Variants in RAPGEF5 observed in about 807,000 individuals in gnomAD.
RAPGEF5 encodes M-Ras-regulated GEF.
Under a neutral mutation model 125.2 loss-of-function variants are expected in RAPGEF5, and 65 were observed. The ratio of observed to expected loss-of-function variants is 0.52; its 90% CI spans 0.43 to 0.64. The LOEUF (loss-of-function observed/expected upper bound fraction) is 0.64. Ranked by LOEUF, RAPGEF5 falls within the 30% of genes least tolerant of loss-of-function variation. The pLI is 0.00. For missense variants in RAPGEF5, 958 were observed against 1,048.1 expected (o/e 0.91, Z 1.19); for synonymous variants, 391 against 385.9 (o/e 1.01, Z -0.16).
At chr7:22,175,504 G>A (rs1784475500) in intron 11 of RAPGEF5, among the ~76,000 whole-genome samples, 2 of 152,094 alleles carry the variant, frequency 1.3e-5, no homozygotes, top group African/African-American at 4.8e-5. Context: ...TTATTTAACT[G>A]TACAGATTAG....
At chr7:22,329,943 A>T (rs1783882819) in intron 1 of RAPGEF5, among the ~76,000 whole-genome samples, 1 of 152,204 alleles carries the variant, frequency 6.6e-6, no homozygotes, top group South Asian at 2.1e-4. Context: ...AGGGTCAGCA[A>T]CTTAACTCCT....
chr7:22,245,381 A>G (rs138181377), intron 7 of RAPGEF5, among the ~76,000 whole-genome samples: 2 of 152,216 alleles, frequency 1.3e-5, no homozygotes, highest in African/African-American at 4.8e-5. Flanking sequence ...CACAAAAATC[A>G]TTGTCTAGAC....
At chr7:22,326,140 A>G (rs766747283) in intron 1 of RAPGEF5, among the ~76,000 whole-genome samples, 1 of 152,234 alleles carries the variant, frequency 6.6e-6, no homozygotes, top group Non-Finnish European at 1.5e-5. Flanking sequence ...GCTGCAGAAC[A>G]ATAAAGGTGT....
At chr7:22,248,429 G>A (rs913267924) in intron 7 of RAPGEF5, among the ~76,000 whole-genome samples, 10 of 152,244 alleles carry the variant, frequency 6.6e-5, no homozygotes, top group Admixed American at 5.2e-4. Context: ...TGAGGTGCCC[G>A]ATGTCCAAAC....
At chr7:22,193,502 G>T in intron 10 of RAPGEF5, 47 bp from the exon 11 acceptor site, 2 of 1,557,146 alleles carry the variant, frequency 1.3e-6, no homozygotes, top group Non-Finnish European at 1.7e-6. Flanking sequence ...GTGGAAGACT[G>T]CGAGCGGCTG....
intron 1 of RAPGEF5, among the ~76,000 whole-genome samples, chr7:22,352,841 A>G (rs1002083653): frequency 6.6e-6 from 1 of 151,280 alleles, no homozygotes; most frequent in African/African-American, 2.4e-5. Flanking sequence ...AATAAATGCA[A>G]GAAGAATGAT....
chr7:22,158,782 C>T (rs1783893800), intron 14 of RAPGEF5, among the ~76,000 whole-genome samples: 2 of 151,998 alleles, frequency 1.3e-5, no homozygotes, highest in Admixed American at 6.6e-5. Context: ...TGTGACACCA[C>T]GCCCAGCTAA....
At chr7:22,165,879 G>A (rs750666844) in intron 12 of RAPGEF5, among the ~76,000 whole-genome samples, 7 of 151,674 alleles carry the variant, frequency 4.6e-5, no homozygotes, top group South Asian at 4.2e-4. Flanking sequence ...GCAGTAGCAC[G>A]GTCTCGGCTC....
At chr7:22,138,029 ACACACG>A (rs935423067) in intron 21 of RAPGEF5, among the ~76,000 whole-genome samples, 14 of 151,148 alleles carry the variant, frequency 9.3e-5, no homozygotes, top group African/African-American at 3.4e-4. Flanking sequence ...ACACACACAC[ACACACG>A]CACGCACGCA....
At chr7:22,259,383 A>G (rs1466826924) in intron 7 of RAPGEF5, among the ~76,000 whole-genome samples, 8 of 152,234 alleles carry the variant, frequency 5.3e-5, no homozygotes, top group Admixed American at 5.2e-4. Flanking sequence ...GTGGAGCAAG[A>G]GGACCTCTCA....
intron 7 of RAPGEF5, among the ~76,000 whole-genome samples, chr7:22,255,504 G>A (rs1201675673): frequency 6.6e-6 from 1 of 151,946 alleles, no homozygotes; most frequent in Non-Finnish European, 1.5e-5. Flanking sequence ...GAGGTGGGAG[G>A]ATCACCTGAC....
chr7:22,171,924 T>C (rs554486952), intron 11 of RAPGEF5, among the ~76,000 whole-genome samples: 2 of 152,364 alleles, frequency 1.3e-5, no homozygotes, highest in South Asian at 4.1e-4. Context: ...TAGTGGCTTT[T>C]TGAATACAAG....
At chr7:22,163,506 C>A (rs1448523631) in intron 12 of RAPGEF5, among the ~76,000 whole-genome samples, 1 of 152,156 alleles carries the variant, frequency 6.6e-6, no homozygotes, top group African/African-American at 2.4e-5. Context: ...GGGATATATA[C>A]TGAATAGTTA....
intron 6 of RAPGEF5, among the ~76,000 whole-genome samples, chr7:22,283,588 T>C (rs1001779173): frequency 6.6e-6 from 1 of 152,190 alleles, no homozygotes; most frequent in Non-Finnish European, 1.5e-5. Flanking sequence ...ATCATCCTTT[T>C]AAAGCTCCGT....
intron 11 of RAPGEF5, among the ~76,000 whole-genome samples, chr7:22,168,677 G>C (rs1784249525): frequency 6.6e-6 from 1 of 152,168 alleles, no homozygotes; most frequent in Non-Finnish European, 1.5e-5. Context: ...TAATATTTAT[G>C]AACACAAAAC....
intron 11 of RAPGEF5, among the ~76,000 whole-genome samples, chr7:22,190,824 G>A (rs983966917): frequency 6.6e-6 from 1 of 152,076 alleles, no homozygotes. Flanking sequence ...TCCAGAACAG[G>A]CTCATCCCAG....
intron 11 of RAPGEF5, among the ~76,000 whole-genome samples, chr7:22,172,127 T>G (rs542887113): frequency 5.9e-4 from 90 of 152,192 alleles, no homozygotes; most frequent in African/African-American, 1.7e-3. Flanking sequence ...TTTTAATTTT[T>G]GGGGGTTTTT....
chr7:22,172,497 A>G (rs1784380621), intron 11 of RAPGEF5, among the ~76,000 whole-genome samples: 1 of 152,126 alleles, frequency 6.6e-6, no homozygotes. Context: ...TTTCTCTTGT[A>G]TGTACCAATT....
intron 7 of RAPGEF5, among the ~76,000 whole-genome samples, chr7:22,260,161 T>G (rs1184436576): frequency 6.6e-6 from 1 of 152,180 alleles, no homozygotes; most frequent in Non-Finnish European, 1.5e-5. Context: ...CACACAGGAT[T>G]TTTTAGGGCA....
Sources: allele counts gnomAD v4.1 joint callset (sites outside exome capture counted in the v4.1 genomes callset), GRCh38; gene constraint gnomAD v4.1.1; transcripts MANE v1.5; gene names NCBI Gene and HGNC (gene_info 2026-07-23, HGNC 2026-07-21).